The following INTS7 variants were observed in gnomAD, a reference collection of about 807,000 sequenced individuals.
The protein encoded by INTS7 is integrator complex subunit 7, also known as chromosome 1 open reading frame 73.
Under a neutral mutation model 109.2 loss-of-function variants are expected in INTS7, and 46 were observed. The observed-to-expected ratio is 0.42, with a 90% confidence interval of 0.33 to 0.54. INTS7 has a LOEUF of 0.54. Among genes scored for constraint, INTS7 ranks in the 20% least tolerant of loss-of-function variants. INTS7 has a pLI of 0.07. For missense variants in INTS7, 929 were observed against 1,132.4 expected, an observed-to-expected ratio of 0.82 and a Z score of 2.58; for synonymous variants, 412 against 402.9, an observed-to-expected ratio of 1.02 and a Z score of -0.27.
At chr1:212,012,600 GAC>G (rs2102476687) in intron 4 of INTS7, among the ~76,000 whole-genome samples, 1 of 152,268 alleles carries the variant, frequency 6.6e-6, no homozygotes, top group South Asian at 2.1e-4. Flanking sequence ...CAGCCTAGGT[GAC>G]AGAGATTCAT....
intron 16 of INTS7, among the ~76,000 whole-genome samples, chr1:211,957,335 C>T (rs2788134): frequency 0.045 from 6,790 of 152,130 alleles, 207 homozygotes; most frequent in African/African-American, 0.079. Context: ...CACCTGAGGT[C>T]GGGAGTTTGA....
Position 211,941,906 on chromosome 1 carries a change from G to A in INTS7, c.2807C>T (p.Ser936Phe). ...IFVKSLEDPY[S>F]QQIRLQQQQA... is the part of the protein sequence containing the mutation. ...CTGCTGTTGTAAGCGAATTTGCTGG[G>A]AATAAGGGTCTTCCAGGGATTTTAC... The change falls in exon 20 of 20, where the codon TCC (serine) becomes TTC (phenylalanine). Residue 936 changes from serine (S) to phenylalanine (F), a missense_variant. Ser to Phe is a radical substitution (Grantham distance 155). Transcript: ENST00000366994. 4 of 1,614,186 alleles carry A rather than the reference G, an allele frequency of 2.5e-6. No individual in the cohort carries two copies. The highest frequency in any genetic ancestry group is 3.4e-6 in the Non-Finnish European group (4 of 1,180,040).
chr1:211,976,815 A>G (rs941404897), intron 11 of INTS7, 96 bp from the exon 12 acceptor site: 2 of 1,105,824 alleles, frequency 1.8e-6, no homozygotes, highest in African/African-American at 3.1e-5. Context: ...ATTAGAGCCC[A>G]CTGCAAAAGA....
intron 16 of INTS7, among the ~76,000 whole-genome samples, chr1:211,958,961 C>T (rs966645799): frequency 1.3e-5 from 2 of 152,090 alleles, no homozygotes; most frequent in Admixed American, 1.3e-4. Context: ...AGAAGCTGGG[C>T]TGAAGGGGAG....
chr1:211,967,444 T>C (rs1571858202), intron 15 of INTS7, among the ~76,000 whole-genome samples: 2 of 96,218 alleles, frequency 2.1e-5, no homozygotes, highest in Non-Finnish European at 2.0e-5. Flanking sequence ...AGAGTGAGAC[T>C]CCATCTCAAA....
At chr1:211,971,215 T>A (rs762616779) in intron 13 of INTS7, among the ~76,000 whole-genome samples, 15 of 152,142 alleles carry the variant, frequency 9.9e-5, no homozygotes, top group Non-Finnish European at 1.6e-4. Context: ...ACTGGGCAAG[T>A]GGTGATAGCC....
chr1:212,007,690 T>A (rs995491113), intron 5 of INTS7, among the ~76,000 whole-genome samples: 4 of 152,216 alleles, frequency 2.6e-5, no homozygotes, highest in Admixed American at 6.5e-5. Flanking sequence ...AAACTGCCTT[T>A]AAAAAGCACA....
At chr1:212,005,842 C>T (rs1337968822) in intron 7 of INTS7, among the ~76,000 whole-genome samples, 1 of 152,026 alleles carries the variant, frequency 6.6e-6, no homozygotes, top group Non-Finnish European at 1.5e-5. Flanking sequence ...AACAACTGCC[C>T]TTATCTTGGG....
chr1:211,999,874 G>A (rs919960637), intron 7 of INTS7, among the ~76,000 whole-genome samples: 8 of 152,032 alleles, frequency 5.3e-5, no homozygotes, highest in African/African-American at 1.9e-4. Flanking sequence ...GGAGGCCGAG[G>A]CACGTGGATC....
chr1:212,011,333 T>G (rs749764099), intron 5 of INTS7, 42 bp downstream of exon 5: 1 of 1,059,656 alleles, frequency 9.4e-7, no homozygotes, highest in Non-Finnish European at 1.4e-6. Context: ...CTATTATAAA[T>G]CTAATTAAGT....
At chr1:212,020,031 C>T (rs1666623402) in intron 3 of INTS7, 91 bp downstream of exon 3, 2 of 921,730 alleles carry the variant, frequency 2.2e-6, no homozygotes, top group Non-Finnish European at 3.0e-6. Context: ...ACTCCTAATA[C>T]TCAAAATGAA....
At chr1:212,014,092 T>C (rs1666289192) in intron 4 of INTS7, among the ~76,000 whole-genome samples, 1 of 152,216 alleles carries the variant, frequency 6.6e-6, no homozygotes, top group African/African-American at 2.4e-5. Context: ...TTAATTTTGA[T>C]CTGTGAAATT....
intron 7 of INTS7, among the ~76,000 whole-genome samples, chr1:211,989,154 T>C (rs1665035507): frequency 6.6e-6 from 1 of 152,152 alleles, no homozygotes; most frequent in African/African-American, 2.4e-5. Flanking sequence ...AATATGACCA[T>C]CAATAAAATT....
chr1:211,967,161 G>C (rs1294580581), intron 15 of INTS7, among the ~76,000 whole-genome samples: 2 of 152,096 alleles, frequency 1.3e-5, no homozygotes. Flanking sequence ...AACTTAGGAA[G>C]GGTTTAAAAG....
intron 1 of INTS7, among the ~76,000 whole-genome samples, chr1:212,027,945 G>GCCTGCC (rs1254570807): frequency 1.3e-5 from 2 of 152,074 alleles, no homozygotes; most frequent in African/African-American, 2.4e-5. Context: ...TTGTGACTCA[G>GCCTGCC]CCTGCCGAGT....
intron 1 of INTS7, among the ~76,000 whole-genome samples, chr1:212,032,001 A>ATC (rs1213656900): frequency 6.6e-6 from 1 of 152,212 alleles, no homozygotes; most frequent in Non-Finnish European, 1.5e-5. Context: ...CTGACTAATC[A>ATC]TCTCCATTTG....
chr1:211,949,701 T>G (rs1425388328), intron 17 of INTS7, among the ~76,000 whole-genome samples: 1 of 152,172 alleles, frequency 6.6e-6, no homozygotes, highest in Non-Finnish European at 1.5e-5. Context: ...CACTTCTCTC[T>G]CCTACCCATT....
At chr1:211,961,430 C>T (rs572491412) in intron 16 of INTS7, among the ~76,000 whole-genome samples, 3 of 143,836 alleles carry the variant, frequency 2.1e-5, no homozygotes, top group East Asian at 2.0e-4. Flanking sequence ...ATATTCAATT[C>T]TTTTTTTTTT....
intron 1 of INTS7, among the ~76,000 whole-genome samples, chr1:212,021,903 T>C (rs775342598): frequency 5.0e-4 from 76 of 151,942 alleles, no homozygotes; most frequent in Non-Finnish European, 7.9e-4. Flanking sequence ...AAGAAGAAAT[T>C]AGAAAAATAT....
Sources: allele counts gnomAD v4.1 joint callset (sites outside exome capture counted in the v4.1 genomes callset), GRCh38; gene constraint gnomAD v4.1.1; transcripts MANE v1.5; gene names NCBI Gene and HGNC (gene_info 2026-07-23, HGNC 2026-07-21).